CLSTN1: variants seen among roughly 807,000 people sequenced by gnomAD.
The protein encoded by CLSTN1 is calsyntenin 1.
Under a neutral mutation model 108.3 loss-of-function variants are expected in CLSTN1, and 28 were observed. That is an observed-to-expected ratio of 0.26 (90% CI 0.19 to 0.35). The LOEUF (loss-of-function observed/expected upper bound fraction) is 0.35, where lower values mean the gene tolerates loss of function less well. Among genes scored for constraint, CLSTN1 ranks in the 10% least tolerant of loss-of-function variants. The probability of loss-of-function intolerance (pLI) is 1.00; values close to 1 mark genes in which losing one functional copy is unlikely to be tolerated. For synonymous variants in CLSTN1, 524 were observed against 534.9 expected (o/e 0.98, Z 0.28); for missense variants, 1,157 against 1,302.6 (o/e 0.89, Z 1.72).
At chr1:9,819,209 C>A (rs912517245) in intron 1 of CLSTN1, among the ~76,000 whole-genome samples, 1 of 152,132 alleles carries the variant, frequency 6.6e-6, no homozygotes, top group African/African-American at 2.4e-5. Context: ...TTAGGATAAT[C>A]AGATCTCTAT....
chr1:9,780,421 G>T (rs1422005789), intron 1 of CLSTN1, among the ~76,000 whole-genome samples: 1 of 152,124 alleles, frequency 6.6e-6, no homozygotes, highest in Non-Finnish European at 1.5e-5. Context: ...GAGTAGTAAC[G>T]TAAAATGTGT....
At chr1:9,811,669 A>G (rs7515018) in intron 1 of CLSTN1, among the ~76,000 whole-genome samples, 29 of 152,044 alleles carry the variant, frequency 1.9e-4, no homozygotes, top group African/African-American at 6.5e-4. Flanking sequence ...GGAGAAAATG[A>G]AATTCAAGTC....
chr1:9,749,607 G>A lies in CLSTN1; in HGVS notation c.839C>T (p.Ala280Val), dbSNP rs1245004194. The change falls in exon 7 of 19, where the codon GCG (alanine) becomes GTG (valine). Residue 280 changes from alanine to valine, a missense_variant. Physicochemically the swap from Ala to Val is moderately conservative, Grantham distance 64. Coordinates refer to ENST00000377298, the MANE Select transcript of CLSTN1 (RefSeq NM_001009566.3). ...NRIEYEPGTG[A>V]LAVFPNIHLE... Reference sequence around the variant, plus strand: ...GTGGATATTTGGAAAGACGGCCAACGCGCCGGTGCCCGGCTCATACTCAAT... The same window carrying A: ...GTGGATATTTGGAAAGACGGCCAACACGCCGGTGCCCGGCTCATACTCAAT... 4 of 1,614,228 alleles carry A rather than the reference G, an allele frequency of 2.5e-6. No individual in the cohort carries two copies. Among genetic ancestry groups the A allele is most frequent in the Admixed American group, 3.3e-5 (2 of 60,026 alleles).
chr1:9,730,264 G>C lies in CLSTN1; in HGVS notation c.*244C>G, dbSNP rs1161595437. 1 of 573,844 alleles carries C rather than the reference G, an allele frequency of 1.7e-6. No homozygotes were observed. The highest frequency in any genetic ancestry group is 3.1e-6 in the Non-Finnish European group (1 of 319,486). The allele number at this position is 573,844 out of a possible 1,614,324, so 35.5% of individuals were successfully genotyped here. On this transcript the variant is annotated 3_prime_UTR_variant, in exon 19 of 19. Transcript: ENST00000377298. This position sits in a 1 kb window ranked among gnomAD's most constrained non-coding sequence, Gnocchi z 5.6. ...GGGCCTGAGGCGCTGGGAGGCCCCT[G>C]TGCGAGCCGGATGGCGGCCAGAGAG... is the stretch of plus-strand genomic sequence containing the variant.
intron 16 of CLSTN1, 132 bp downstream of exon 16, chr1:9,733,268 AC>A: frequency 2.7e-6 from 3 of 1,097,302 alleles, no homozygotes; most frequent in Admixed American, 2.3e-5. Flanking sequence ...TGGAAAGGCG[AC>A]CCCCTAGAAT....
chr1:9,743,555 C>A (rs1482630641), intron 9 of CLSTN1, among the ~76,000 whole-genome samples: 3 of 152,048 alleles, frequency 2.0e-5, no homozygotes, highest in Admixed American at 1.3e-4. Context: ...CAGTGTTTTT[C>A]TTTTTCTTTG....
intron 2 of CLSTN1, among the ~76,000 whole-genome samples, chr1:9,772,122 G>T (rs1482443181): frequency 1.4e-5 from 2 of 139,246 alleles, no homozygotes; most frequent in Non-Finnish European, 3.1e-5. Flanking sequence ...GACTACAGGC[G>T]CCCACCACCA....
At chr1:9,794,519 T>C (rs1374446559) in intron 1 of CLSTN1, among the ~76,000 whole-genome samples, 5 of 151,302 alleles carry the variant, frequency 3.3e-5, no homozygotes, top group East Asian at 2.0e-4. Flanking sequence ...ATGTTGGCCA[T>C]GCTGGTCTCG....
chr1:9,805,442 G>C (rs1369972317), intron 1 of CLSTN1, among the ~76,000 whole-genome samples: 1 of 152,178 alleles, frequency 6.6e-6, no homozygotes, highest in African/African-American at 2.4e-5. Context: ...ACTTCAAACA[G>C]ATAACAGACA....
rs1300985759 is a variant in CLSTN1 at position 9,759,149 on chromosome 1, C to T, written c.215-2639G>A. Among the ~76,000 whole-genome samples the T allele has an allele frequency of 2.0e-5, 3 of 152,188 alleles. No individual in the cohort carries two copies. The East Asian group carries it at 5.8e-4, about 29-fold the overall frequency. ...AGAGTTGCTTTGAATTAGGGGTCTGCAAACTGCCGTTTCCAGAAAGTCCAA... is the reference window on the plus strand; with the variant it reads ...AGAGTTGCTTTGAATTAGGGGTCTGTAAACTGCCGTTTCCAGAAAGTCCAA... On this transcript the variant is annotated intron_variant, in intron 2 of 18. Transcript: ENST00000377298.
In CLSTN1 at chr1:9,758,006, G is replaced by A. The variant is rs116383848; in HGVS notation, c.215-1496C>T. ...TGCAGTTTTTTGTTTGTTTGTTTTG[G>A]GGGGGGGTGGGAACGGAGTTTCACT... On this transcript the variant is annotated intron_variant, in intron 2 of 18. Coordinates refer to ENST00000377298, the MANE Select transcript of CLSTN1 (RefSeq NM_001009566.3). Among the ~76,000 whole-genome samples the A allele has an allele frequency of 4.1e-3, 624 of 151,544 alleles. 7 individuals carry two copies. Among genetic ancestry groups the A allele is most frequent in the African/African-American group, 0.014 (591 of 41,368 alleles).
chr1:9,732,007 G>C (rs1024676806), intron 16 of CLSTN1, 111 bp from the exon 17 acceptor site: 1 of 1,285,742 alleles, frequency 7.8e-7, no homozygotes, highest in African/African-American at 1.5e-5. Flanking sequence ...GTGGCTCCTG[G>C]ACCGCAGCTG....
chr1:9,813,430 C>T (rs951585568), intron 1 of CLSTN1, among the ~76,000 whole-genome samples: 1 of 147,962 alleles, frequency 6.8e-6, no homozygotes, highest in Non-Finnish European at 1.5e-5. Context: ...ACCCTGAAGG[C>T]GGAGGTTGCA....
chr1:9,786,103 C>G (rs145753128), intron 1 of CLSTN1, among the ~76,000 whole-genome samples: 1 of 152,076 alleles, frequency 6.6e-6, no homozygotes, highest in Non-Finnish European at 1.5e-5. Flanking sequence ...GCATGAGAAT[C>G]GCTTGAGCCT....
intron 1 of CLSTN1, among the ~76,000 whole-genome samples, chr1:9,805,360 G>C (rs781466701): frequency 6.6e-6 from 1 of 152,110 alleles, no homozygotes; most frequent in Non-Finnish European, 1.5e-5. Flanking sequence ...GGACTCCTGC[G>C]GGGGCAGGGA....
At position 9,784,610 on chromosome 1, in the gene CLSTN1, G is replaced by T. The variant is rs145175318; in HGVS notation, c.92-11216C>A. On this transcript the variant is annotated intron_variant, in intron 1 of 18. Transcript: ENST00000377298. ...CCTTAAAAAACAACAGCTAAATATT[G>T]CAAGAGACTGTTGGCGTCTCACCTA... 4.3e-3 allele frequency among the ~76,000 whole-genome samples: 662 copies of T among 152,264 alleles called. 12 individuals are homozygous for T. Among genetic ancestry groups the T allele is most frequent in the East Asian group, 0.043 (223 of 5,186 alleles).
chr1:9,787,977 C>T (rs973358980), intron 1 of CLSTN1, among the ~76,000 whole-genome samples: 2 of 151,294 alleles, frequency 1.3e-5, no homozygotes, highest in South Asian at 2.2e-4. Context: ...ACTAAGGGTC[C>T]GGCGTGGTGG....
chr1:9,734,240 T>A lies in CLSTN1; in HGVS notation c.2111-98A>T. The A allele has an allele frequency of 8.0e-7, 1 of 1,255,554 alleles. No individual in the cohort carries two copies. Among genetic ancestry groups the A allele is most frequent in the Non-Finnish European group, 1.1e-6 (1 of 884,968 alleles). The allele number at this position is 1,255,554 out of a possible 1,614,324, so 77.8% of individuals were successfully genotyped here. ...CCTGCCGGCTCACCCCAAACCTACA[T>A]GGCTCTCGTAAGGACCAACGACAGA... On this transcript the variant is annotated intron_variant, in intron 14 of 18. Coordinates refer to ENST00000377298, the MANE Select transcript of CLSTN1 (RefSeq NM_001009566.3). The surrounding 1 kb of genome is among the most constrained non-coding windows in gnomAD (Gnocchi z 4.8).
At chr1:9,807,691 G>A (rs541163761) in intron 1 of CLSTN1, among the ~76,000 whole-genome samples, 133 of 152,304 alleles carry the variant, frequency 8.7e-4, no homozygotes, top group African/African-American at 3.0e-3. Flanking sequence ...TGCTTGCAGA[G>A]GGCCCACCGC....
Sources: gnomAD v4.1 joint callset for allele counts (sites outside exome capture counted in the v4.1 genomes callset) on GRCh38, gnomAD v4.1.1 for gene constraint, Gnocchi (gnomAD v3.1) non-coding constraint, MANE v1.5 for transcripts, NCBI Gene and HGNC (gene_info 2026-07-23, HGNC 2026-07-21) for gene names.